Variants in MGA observed in about 807,000 individuals in gnomAD.
The protein encoded by MGA is MAX dimerization protein MGA.
In MGA, 40 loss-of-function variants were observed where a neutral mutation model predicts 261.1. The observed-to-expected ratio is 0.15, with a 90% confidence interval of 0.12 to 0.20. The LOEUF (loss-of-function observed/expected upper bound fraction) is 0.20, where lower values mean the gene tolerates loss of function less well. MGA is among the 10% of genes least tolerant of loss of function. MGA has a pLI of 1.00. For synonymous variants in MGA, 1,302 were observed against 1,290.6 expected, an observed-to-expected ratio of 1.01 and a Z score of -0.19; for missense variants, 3,397 against 3,630.5, an observed-to-expected ratio of 0.94 and a Z score of 1.65.
At chr15:41,657,166 A>C (rs1219919804), upstream of MGA, among the ~76,000 whole-genome samples, 1 of 151,998 alleles carries the variant, frequency 6.6e-6, no homozygotes, top group African/African-American at 2.4e-5. Context: ...TAAATCGTTA[A>C]TTTTTAATTC....
chr15:41,628,986 A>G (rs1182597812), intron 1 of MGA, among the ~76,000 whole-genome samples: 2 of 151,912 alleles, frequency 1.3e-5, no homozygotes, highest in Non-Finnish European at 2.9e-5. Flanking sequence ...AAAAAATACA[A>G]AAAAAATTAG....
chr15:41,688,755 A>G (rs1029736226), intron 2 of MGA, among the ~76,000 whole-genome samples: 2 of 152,078 alleles, frequency 1.3e-5, no homozygotes, highest in Non-Finnish European at 2.9e-5. Context: ...GCATTTGTCT[A>G]CTCAGGCTGC....
Position 41,710,971 on chromosome 15 carries a change from C to T in MGA, c.2706C>T (p.Asn902=). 1 of 1,614,004 alleles carries T rather than the reference C, an allele frequency of 6.2e-7. No homozygotes were observed. Among genetic ancestry groups the T allele is most frequent in the Non-Finnish European group, 8.5e-7 (1 of 1,179,890 alleles). The change falls in exon 8 of 24, where the codon AAC becomes AAT. Residue 902 remains asparagine, a synonymous_variant. Transcript: ENST00000219905. ...TCTCTCGAAAGGCAAAGTCTCAAAACAGACAGGCAACTTTCAGTGGCCGAA... is the reference window on the plus strand; with the variant it reads ...TCTCTCGAAAGGCAAAGTCTCAAAATAGACAGGCAACTTTCAGTGGCCGAA...
chr15:41,729,800 A>G (rs550058284), intron 11 of MGA, among the ~76,000 whole-genome samples: 1 of 151,752 alleles, frequency 6.6e-6, no homozygotes, highest in East Asian at 1.9e-4. Flanking sequence ...ATGCCACTTT[A>G]CTCCAGCCTG....
chr15:41,753,259 A>G (rs1189244169), intron 17 of MGA, among the ~76,000 whole-genome samples: 2 of 152,098 alleles, frequency 1.3e-5, no homozygotes, highest in South Asian at 2.1e-4. Context: ...ACAATACACA[A>G]ATTAGCCAGG....
At chr15:41,759,464 ATTTTTTTTTT>A (rs67238224) in intron 19 of MGA, among the ~76,000 whole-genome samples, 1 of 94,608 alleles carries the variant, frequency 1.1e-5, no homozygotes, top group Non-Finnish European at 2.1e-5. Context: ...GTGTGTGTGT[ATTTTTTTTTT>A]TTTTTTTTTG....
At chr15:41,693,788 T>C (rs912933485) in intron 2 of MGA, among the ~76,000 whole-genome samples, 9 of 152,222 alleles carry the variant, frequency 5.9e-5, no homozygotes, top group African/African-American at 2.2e-4. Context: ...TTTTCTTTAG[T>C]TTCAGAAGCC....
intron 1 of MGA, among the ~76,000 whole-genome samples, chr15:41,646,957 A>G (rs2056946120): frequency 6.6e-6 from 1 of 152,146 alleles, no homozygotes; most frequent in African/African-American, 2.4e-5. Context: ...AAATGTCTGA[A>G]ATCCATGAAG....
At position 41,702,117 on chromosome 15, in the gene MGA, C is replaced by T. The variant is rs61067744; in HGVS notation, c.2188+2958C>T. ...GGTGGATCACTTGAGGTTGGGAGTT[C>T]GAGACTAGCCTGGCCAACGTGGCGA... is the stretch of plus-strand genomic sequence containing the variant. On this transcript the variant is annotated intron_variant, in intron 5 of 23. Coordinates refer to ENST00000219905, the MANE Select transcript of MGA (RefSeq NM_001164273.2). Among the ~76,000 whole-genome samples the T allele has an allele frequency of 7.4e-3, 1,119 of 152,036 alleles. 18 individuals carry two copies. The highest frequency in any genetic ancestry group is 0.026 in the African/African-American group (1,073 of 41,466).
intron 1 of MGA, among the ~76,000 whole-genome samples, chr15:41,661,398 A>G (rs973389712): frequency 6.7e-6 from 1 of 150,072 alleles, no homozygotes; most frequent in African/African-American, 2.5e-5. Context: ...TCAGAAGAAT[A>G]TGGGGAAACT....
chr15:41,682,804 G>C (rs916430242), intron 2 of MGA, among the ~76,000 whole-genome samples: 1 of 150,588 alleles, frequency 6.6e-6, no homozygotes, highest in Admixed American at 6.6e-5. Context: ...TTTGTGTCCT[G>C]TATCTTAAGC....
chr15:41,713,977 G>T (rs924221385), intron 9 of MGA, among the ~76,000 whole-genome samples: 6 of 152,054 alleles, frequency 3.9e-5, no homozygotes, highest in Admixed American at 6.6e-5. Context: ...GTTGAAAATT[G>T]GGTTTTTTTT....
chr15:41,719,019 T>C (rs1245138536), intron 9 of MGA, among the ~76,000 whole-genome samples: 1 of 152,136 alleles, frequency 6.6e-6, no homozygotes, highest in Non-Finnish European at 1.5e-5. Flanking sequence ...CAAAATAAGC[T>C]ACTAGAACTG....
At chr15:41,671,229 G>C (rs532670555) in intron 2 of MGA, among the ~76,000 whole-genome samples, 15 of 152,318 alleles carry the variant, frequency 9.8e-5, no homozygotes, top group African/African-American at 2.4e-4. Flanking sequence ...GATGAGATGG[G>C]GGGGAGGATT....
intron 1 of MGA, among the ~76,000 whole-genome samples, 196 bp downstream of exon 1, chr15:41,660,721 G>A (rs1022709982): frequency 1.3e-5 from 2 of 152,196 alleles, no homozygotes; most frequent in African/African-American, 2.4e-5. Flanking sequence ...GGCTGCGCAT[G>A]TCACCTCGCG....
intron 2 of MGA, among the ~76,000 whole-genome samples, chr15:41,670,708 G>C (rs1342551358): frequency 6.6e-6 from 1 of 152,040 alleles, no homozygotes; most frequent in African/African-American, 2.4e-5. Flanking sequence ...GGGTTTCACT[G>C]TGTTAGCCAG....
chr15:41,653,371 A>G (rs1358554856), intron 1 of MGA, among the ~76,000 whole-genome samples: 2 of 149,472 alleles, frequency 1.3e-5, no homozygotes, highest in East Asian at 3.9e-4. Flanking sequence ...TCCATCTCAG[A>G]AAAAAAAACA....
At chr15:41,738,419 A>G (rs145092062) in intron 13 of MGA, among the ~76,000 whole-genome samples, 19 of 152,030 alleles carry the variant, frequency 1.2e-4, no homozygotes, top group African/African-American at 4.1e-4. Flanking sequence ...TATTAATATG[A>G]TTGATCTACT....
At chr15:41,739,224 T>C (rs2061957567) in intron 13 of MGA, among the ~76,000 whole-genome samples, 2 of 152,220 alleles carry the variant, frequency 1.3e-5, no homozygotes, top group African/African-American at 4.8e-5. Context: ...AGGGGATCTT[T>C]ACTTCATTTG....
Sources: gnomAD v4.1 joint callset for allele counts (sites outside exome capture counted in the v4.1 genomes callset) on GRCh38, gnomAD v4.1.1 for gene constraint, MANE v1.5 for transcripts, NCBI Gene and HGNC (gene_info 2026-07-23, HGNC 2026-07-21) for gene names.